Variants in ATRNL1 observed in about 807,000 individuals in gnomAD.
The protein encoded by ATRNL1 is attractin-like protein 1.
Under a neutral mutation model 182.7 loss-of-function variants are expected in ATRNL1, and 95 were observed. That is an observed-to-expected ratio of 0.52 (90% confidence interval 0.44 to 0.62). The LOEUF is 0.62. ATRNL1 is among the 20% of genes least tolerant of loss of function. The pLI is 0.00. For missense variants in ATRNL1, 1,471 were observed against 1,679.5 expected, an observed-to-expected ratio of 0.88 and a Z score of 2.17; for synonymous variants, 576 against 568.3, an observed-to-expected ratio of 1.01 and a Z score of -0.19.
chr10:115,588,590 C>T (rs1230345168), intron 26 of ATRNL1, among the ~76,000 whole-genome samples: 1 of 152,206 alleles, frequency 6.6e-6, no homozygotes, highest in Non-Finnish European at 1.5e-5. Flanking sequence ...TATGTGTGGT[C>T]TAAGCCCTTT....
chr10:115,252,392 G>A (rs1850922568), intron 10 of ATRNL1, among the ~76,000 whole-genome samples: 1 of 152,146 alleles, frequency 6.6e-6, no homozygotes, highest in South Asian at 2.1e-4. Context: ...CATGTACCTA[G>A]ATGAGTTATG....
At chr10:115,529,733 C>A (rs1476268180) in intron 25 of ATRNL1, among the ~76,000 whole-genome samples, 3 of 152,022 alleles carry the variant, frequency 2.0e-5, no homozygotes, top group Non-Finnish European at 4.4e-5. Context: ...TTTCCAATTT[C>A]TAATTTTAAT....
intron 26 of ATRNL1, among the ~76,000 whole-genome samples, chr10:115,720,444 T>C (rs982068913): frequency 6.6e-6 from 1 of 151,212 alleles, no homozygotes; most frequent in Non-Finnish European, 1.5e-5. Context: ...AAAAGTAAGG[T>C]ATATTTTATT....
intron 9 of ATRNL1, among the ~76,000 whole-genome samples, chr10:115,239,705 C>T (rs1554902395): frequency 2.0e-5 from 3 of 152,210 alleles, no homozygotes; most frequent in Admixed American, 6.5e-5. Context: ...CAACTTGGCT[C>T]TTTCTGGATG....
intron 26 of ATRNL1, chr10:115,597,728 A>C (rs1246495252): frequency 6.7e-6 from 3 of 444,690 alleles, no homozygotes; most frequent in Non-Finnish European, 1.3e-5. Flanking sequence ...TGTATTTTTT[A>C]GTAGAGATGG....
chr10:115,839,460 C>G (rs1950753205), intron 27 of ATRNL1, among the ~76,000 whole-genome samples: 1 of 152,174 alleles, frequency 6.6e-6, no homozygotes, highest in South Asian at 2.1e-4. Context: ...CTCTTCTCAT[C>G]CCTCTTTACA....
chr10:115,765,981 CCCCG>C (rs2134156189), intron 27 of ATRNL1, among the ~76,000 whole-genome samples: 2 of 15,480 alleles, frequency 1.3e-4, no homozygotes, highest in East Asian at 0.12. Context: ...CCTTTCCCCC[CCCCG>C]GCTCACTAAA....
chr10:115,714,741 A>T (rs1947197297), intron 26 of ATRNL1, among the ~76,000 whole-genome samples: 1 of 151,744 alleles, frequency 6.6e-6, no homozygotes, highest in African/African-American at 2.4e-5. Flanking sequence ...TGATCCACTT[A>T]AAATTTTCAT....
intron 25 of ATRNL1, among the ~76,000 whole-genome samples, chr10:115,523,245 T>C (rs142205891): frequency 2.0e-5 from 3 of 152,318 alleles, no homozygotes; most frequent in Non-Finnish European, 4.4e-5. Context: ...GGCAATGTTG[T>C]CCCAAGCCTG....
At chr10:115,351,083 A>G (rs1186860944) in intron 19 of ATRNL1, among the ~76,000 whole-genome samples, 1 of 152,106 alleles carries the variant, frequency 6.6e-6, no homozygotes, top group African/African-American at 2.4e-5. Context: ...TACTGAATTT[A>G]TATGTCAATT....
intron 26 of ATRNL1, among the ~76,000 whole-genome samples, chr10:115,558,807 A>G (rs1419061825): frequency 1.3e-5 from 2 of 151,956 alleles, no homozygotes; most frequent in Non-Finnish European, 1.5e-5. Context: ...AAGAAAATCT[A>G]CTAATTCTCA....
At chr10:115,484,551 G>A (rs1373449094) in intron 24 of ATRNL1, among the ~76,000 whole-genome samples, 1 of 151,274 alleles carries the variant, frequency 6.6e-6, no homozygotes, top group Non-Finnish European at 1.5e-5. Context: ...AATTTTTAAG[G>A]GTCATCTTAT....
At chr10:115,284,912 GT>G (rs1279016292) in intron 14 of ATRNL1, among the ~76,000 whole-genome samples, 4 of 152,214 alleles carry the variant, frequency 2.6e-5, no homozygotes, top group Admixed American at 2.0e-4. Flanking sequence ...AGAAATAATT[GT>G]GGAGAGGACA....
chr10:115,785,799 G>A (rs1555080303), intron 27 of ATRNL1, among the ~76,000 whole-genome samples: 2 of 152,156 alleles, frequency 1.3e-5, no homozygotes. Flanking sequence ...ACCATAAGCA[G>A]TAAGAAGAAA....
At chr10:115,379,573 T>C (rs547755774) in intron 19 of ATRNL1, among the ~76,000 whole-genome samples, 77 of 152,334 alleles carry the variant, frequency 5.1e-4, no homozygotes, top group African/African-American at 1.8e-3. Flanking sequence ...ACTCTGAATA[T>C]GACAGTATTA....
chr10:115,437,296 G>A (rs1371937458), intron 21 of ATRNL1, among the ~76,000 whole-genome samples: 6 of 151,922 alleles, frequency 3.9e-5, no homozygotes, highest in East Asian at 3.9e-4. Context: ...TGTAAGATAC[G>A]GTCTTTATCA....
At chr10:115,535,722 T>C (rs1851943361) in intron 25 of ATRNL1, among the ~76,000 whole-genome samples, 1 of 152,134 alleles carries the variant, frequency 6.6e-6, no homozygotes, top group African/African-American at 2.4e-5. Flanking sequence ...CTCTGTTTTT[T>C]CCCCATCTTT....
At chr10:115,719,523 T>C (rs1947355268) in intron 26 of ATRNL1, among the ~76,000 whole-genome samples, 2 of 152,238 alleles carry the variant, frequency 1.3e-5, no homozygotes. Flanking sequence ...TTGTCTATGC[T>C]GGATCATGTT....
At chr10:115,793,437 A>G (rs547621455) in intron 27 of ATRNL1, among the ~76,000 whole-genome samples, 1 of 152,254 alleles carries the variant, frequency 6.6e-6, no homozygotes, top group Non-Finnish European at 1.5e-5. Flanking sequence ...ACACTTTCCA[A>G]AATATATTCA....
Sources: gnomAD v4.1 joint callset for allele counts (sites outside exome capture counted in the v4.1 genomes callset) on GRCh38, gnomAD v4.1.1 for gene constraint, MANE v1.5 for transcripts, NCBI Gene and HGNC (gene_info 2026-07-23, HGNC 2026-07-21) for gene names.